The following FGF13 variants were observed in gnomAD, a reference collection of about 807,000 sequenced individuals.
The protein encoded by FGF13 is fibroblast growth factor 13, also known as fibroblast growth factor homologous factor 2.
Under a neutral mutation model 19.5 loss-of-function variants are expected in FGF13, and 2 were observed. That is an observed-to-expected ratio of 0.10 (90% CI 0.04 to 0.32). The LOEUF (loss-of-function observed/expected upper bound fraction) is 0.32, where lower values mean the gene tolerates loss of function less well. FGF13 is among the 10% of genes least tolerant of loss of function. FGF13 has a pLI of 1.00. For missense variants in FGF13, 113 were observed against 192.7 expected (o/e 0.59, Z 2.45); for synonymous variants, 72 against 76.9 (o/e 0.94, Z 0.33).
At chrX:138,803,163 C>G (rs1000929632) in intron 3 of FGF13, among the ~76,000 whole-genome samples, 1 of 111,978 alleles carries the variant, frequency 8.9e-6, no homozygotes, top group Non-Finnish European at 1.9e-5. Flanking sequence ...GTGTATCTAT[C>G]TCTTAATTAG....
chrX:138,926,500 A>G (rs1025563298), intron 1 of FGF13, among the ~76,000 whole-genome samples: 4 of 111,895 alleles, frequency 3.6e-5, no homozygotes, highest in Non-Finnish European at 7.5e-5. Context: ...GTGGTATTAA[A>G]TAGGATGATC....
intron 1 of FGF13, among the ~76,000 whole-genome samples, chrX:139,203,232 G>A (rs2084430703): frequency 9.0e-6 from 1 of 111,403 alleles, no homozygotes; most frequent in Non-Finnish European, 1.9e-5. Flanking sequence ...ACCAGTGGTC[G>A]GGTGCCCCGG....
At chrX:138,937,939 T>C (rs1010071180) in intron 1 of FGF13, among the ~76,000 whole-genome samples, 19 of 111,300 alleles carry the variant, frequency 1.7e-4, no homozygotes, top group African/African-American at 6.2e-4. Context: ...GAGCAGGATG[T>C]AGATGAAGGC....
intron 1 of FGF13, among the ~76,000 whole-genome samples, chrX:139,099,005 C>T (rs1457266121): frequency 3.6e-5 from 4 of 111,548 alleles, no homozygotes; most frequent in African/African-American, 1.3e-4. Flanking sequence ...GAGCGTCATT[C>T]CTGACAGCCT....
At chrX:139,130,587 G>A (rs1293823141) in intron 1 of FGF13, among the ~76,000 whole-genome samples, 2 of 111,855 alleles carry the variant, frequency 1.8e-5, no homozygotes, top group Non-Finnish European at 3.8e-5. Context: ...CATACGGTAG[G>A]TGCTAGACCT....
chrX:138,976,444 G>A (rs1232652665), intron 1 of FGF13, among the ~76,000 whole-genome samples: 2 of 111,404 alleles, frequency 1.8e-5, no homozygotes, highest in Non-Finnish European at 3.8e-5. Flanking sequence ...AGTAACTCAG[G>A]AATGGAAAAC....
At chrX:138,860,920 T>G (rs962547942) in intron 2 of FGF13, among the ~76,000 whole-genome samples, 11 of 110,655 alleles carry the variant, frequency 9.9e-5, no homozygotes, top group African/African-American at 3.6e-4. Flanking sequence ...CTCACAGGAG[T>G]AGTGCAGAGT....
chrX:139,016,512 A>G (rs566187), intron 1 of FGF13, among the ~76,000 whole-genome samples: 1 of 110,658 alleles, frequency 9.0e-6, no homozygotes, highest in Non-Finnish European at 1.9e-5. Context: ...TTAGTGATGG[A>G]GTTGTCCCAG....
chrX:138,801,642 T>C (rs2090830102), intron 3 of FGF13, among the ~76,000 whole-genome samples: 1 of 112,053 alleles, frequency 8.9e-6, no homozygotes, highest in African/African-American at 3.2e-5. Flanking sequence ...CTCTTAGAGC[T>C]GGCAGGCAGG....
At chrX:139,061,987 A>G in intron 1 of FGF13, among the ~76,000 whole-genome samples, 1 of 111,549 alleles carries the variant, frequency 9.0e-6, no homozygotes, top group Non-Finnish European at 1.9e-5. Flanking sequence ...ATAAATGTAT[A>G]GTTTGAAAAT....
chrX:139,154,911 T>C (rs939183775), intron 1 of FGF13, among the ~76,000 whole-genome samples: 1 of 111,978 alleles, frequency 8.9e-6, no homozygotes, highest in Admixed American at 9.5e-5. Context: ...AAAAAATATT[T>C]AATATAAGGT....
downstream of FGF13, chrX:138,857,502 G>T: frequency 8.5e-7 from 1 of 1,182,174 alleles, no homozygotes; most frequent in South Asian, 2.0e-5. Context: ...CGCGTCTGTC[G>T]TGCACAAACC....
chrX:139,204,589 G>A (rs2148286531), upstream of FGF13, among the ~76,000 whole-genome samples: 1 of 112,945 alleles, frequency 8.9e-6, no homozygotes, highest in African/African-American at 3.2e-5. Context: ...CTGGCAGGCT[G>A]CTTTCCCCCG....
chrX:138,860,815 G>A (rs2091284494), intron 2 of FGF13, among the ~76,000 whole-genome samples: 1 of 112,453 alleles, frequency 8.9e-6, no homozygotes, highest in South Asian at 3.7e-4. Context: ...CATGAGAATA[G>A]CTGCCAAAGA....
chrX:139,107,994 A>G (rs961651540), intron 1 of FGF13, among the ~76,000 whole-genome samples: 1 of 111,444 alleles, frequency 9.0e-6, no homozygotes, highest in Non-Finnish European at 1.9e-5. Flanking sequence ...TATCCTACCC[A>G]CCAGGAAGAC....
chrX:138,852,640 C>T (rs1400536759), downstream of FGF13, among the ~76,000 whole-genome samples: 2 of 111,732 alleles, frequency 1.8e-5, no homozygotes, highest in Non-Finnish European at 3.8e-5. Context: ...AGGACATAGG[C>T]ATGGGCAAAG....
At chrX:139,129,567 C>G (rs1467936527) in intron 1 of FGF13, among the ~76,000 whole-genome samples, 1 of 111,533 alleles carries the variant, frequency 9.0e-6, no homozygotes, top group Non-Finnish European at 1.9e-5. Context: ...GATGACAGAT[C>G]TCTTGCGTCT....
intron 1 of FGF13, among the ~76,000 whole-genome samples, chrX:139,109,020 G>A (rs1164193263): frequency 2.7e-5 from 3 of 111,364 alleles, no homozygotes; most frequent in African/African-American, 9.8e-5. Flanking sequence ...ACATGCTCTC[G>A]TTCCTTTTTA....
chrX:139,109,829 G>T (rs967929417), intron 1 of FGF13, among the ~76,000 whole-genome samples: 1 of 111,447 alleles, frequency 9.0e-6, no homozygotes, highest in South Asian at 3.8e-4. Flanking sequence ...GATATAAACT[G>T]GAAAGAATTT....
Sources: allele counts gnomAD v4.1 joint callset (sites outside exome capture counted in the v4.1 genomes callset), GRCh38; gene constraint gnomAD v4.1.1; transcripts MANE v1.5; gene names NCBI Gene and HGNC (gene_info 2026-07-23, HGNC 2026-07-21).